MEMO1: variants seen among roughly 807,000 people sequenced by gnomAD.
MEMO1 encodes mediator of cell motility 1, also known as protein MEMO1.
A neutral mutation model predicts 45.2 loss-of-function variants in MEMO1; 6 were observed. The observed-to-expected ratio is 0.13, with a 90% confidence interval of 0.07 to 0.26. The LOEUF (loss-of-function observed/expected upper bound fraction) is 0.26, where lower values mean the gene tolerates loss of function less well. Ranked by LOEUF, MEMO1 falls within the 10% of genes least tolerant of loss-of-function variation. The pLI is 1.00. For synonymous variants in MEMO1, 78 were observed against 124.3 expected, an observed-to-expected ratio of 0.63 and a Z score of 2.48; for missense variants, 184 against 370.5, an observed-to-expected ratio of 0.50 and a Z score of 4.13.
intron 2 of MEMO1, among the ~76,000 whole-genome samples, chr2:31,957,982 A>T (rs1240479078): frequency 6.6e-6 from 1 of 152,192 alleles, no homozygotes; most frequent in Non-Finnish European, 1.5e-5. Flanking sequence ...CAACCATAAG[A>T]TGCACAAAAA....
intron 2 of MEMO1, among the ~76,000 whole-genome samples, chr2:31,990,532 A>G (rs1671817110): frequency 6.7e-6 from 1 of 149,938 alleles, no homozygotes; most frequent in Non-Finnish European, 1.5e-5. Flanking sequence ...GCTCACTACA[A>G]ACTCTGCCTA....
intron 2 of MEMO1, among the ~76,000 whole-genome samples, chr2:31,981,783 T>A (rs1188772545): frequency 6.6e-6 from 1 of 152,210 alleles, no homozygotes; most frequent in East Asian, 1.9e-4. Flanking sequence ...AACAGACTGC[T>A]ACAAACAGGC....
rs540228992 is a variant in MEMO1 at position 31,950,378 on chromosome 2, C to CA, written c.62-6996dup. Among the ~76,000 whole-genome samples the CA allele has an allele frequency of 5.9e-3, 650 of 109,428 alleles. 6 individuals carry two copies. The highest frequency in any genetic ancestry group is 0.012 in the African/African-American group (356 of 29,446). 71.8% of individuals were successfully genotyped at this position (109,428 alleles called of 152,430 possible). A position where few individuals can be genotyped will look rare whatever the true frequency, so the allele number is the denominator to read the frequency against. ...CCTGGGCAGCAGAGCAAGACTCCGT[C>CA]AAAAAAAAAAAACAAAAAAAAACCT... On this transcript the variant is annotated intron_variant, in intron 2 of 9. Coordinates refer to ENST00000404530, the MANE Select transcript of MEMO1 (RefSeq NM_001301833.4).
chr2:31,966,254 C>T (rs1668598920), intron 2 of MEMO1, among the ~76,000 whole-genome samples: 1 of 152,152 alleles, frequency 6.6e-6, no homozygotes, highest in Admixed American at 6.5e-5. Flanking sequence ...CTCTGTATAC[C>T]TCCACTGTTT....
At chr2:31,933,330 AAAAAAAAAAAAAAAAAAAATTTATATAT>A (rs1473557979) in intron 3 of MEMO1, among the ~76,000 whole-genome samples, 1 of 57,212 alleles carries the variant, frequency 1.7e-5, no homozygotes, top group African/African-American at 8.2e-5. Context: ...AAAAAAAAAA[AAAAAAAAAAAAAAAAAAAATTTATATAT>A]ATATATATAT....
intron 6 of MEMO1, among the ~76,000 whole-genome samples, chr2:31,911,429 C>T (rs941429782): frequency 1.3e-5 from 2 of 152,124 alleles, no homozygotes; most frequent in Non-Finnish European, 2.9e-5. Flanking sequence ...TGAAACCATT[C>T]TGTATGGTAT....
intron 6 of MEMO1, among the ~76,000 whole-genome samples, chr2:31,904,159 G>A (rs575200425): frequency 9.2e-5 from 14 of 152,302 alleles, no homozygotes; most frequent in African/African-American, 3.1e-4. Flanking sequence ...ACATAGCTAG[G>A]CCTGATGCTA....
In MEMO1 at chr2:31,973,367, T is replaced by C. The variant is rs1315228459; in HGVS notation, c.62-29984A>G. Among the ~76,000 whole-genome samples, 6 of 151,892 alleles carry C rather than the reference T, an allele frequency of 4.0e-5. No homozygotes were observed. In the East Asian group the frequency reaches 9.7e-4, roughly 25 times the overall value. On this transcript the variant is annotated intron_variant, in intron 2 of 9. Transcript: ENST00000404530. ...TACTTGGGAGGCTGAGGCAGGAGAA[T>C]TGCTTGAACCCAGGAGACGGAGGTT...
At position 31,894,618 on chromosome 2, in the gene MEMO1, C is replaced by A. The variant is rs188753793; in HGVS notation, c.438-2484G>T. ...GGGGACTCCCATAAGGTCCTAAGCTCCACACAAAACGCAGGCTGAGAGACT... is the reference window on the plus strand; with the variant it reads ...GGGGACTCCCATAAGGTCCTAAGCTACACACAAAACGCAGGCTGAGAGACT... On this transcript the variant is annotated intron_variant, in intron 6 of 9. Transcript: ENST00000404530. Among the ~76,000 whole-genome samples, 6 of 152,240 alleles carry A rather than the reference C, an allele frequency of 3.9e-5. No homozygotes were observed. The East Asian group carries it at 9.7e-4, about 24-fold the overall frequency.
At chr2:31,953,035 C>A (rs1476844368) in intron 2 of MEMO1, among the ~76,000 whole-genome samples, 1 of 152,080 alleles carries the variant, frequency 6.6e-6, no homozygotes, top group Non-Finnish European at 1.5e-5. Context: ...ATAAACAATT[C>A]TGTATTATGT....
At chr2:31,944,409 C>T (rs770850527) in intron 2 of MEMO1, among the ~76,000 whole-genome samples, 15 of 152,272 alleles carry the variant, frequency 9.9e-5, no homozygotes, top group Non-Finnish European at 2.1e-4. Flanking sequence ...GAAGTTGGCC[C>T]AAGACTTTCC....
In MEMO1 at chr2:31,961,555, G is replaced by A. The variant is rs772373120; in HGVS notation, c.62-18172C>T. On this transcript the variant is annotated intron_variant, in intron 2 of 9. Coordinates refer to ENST00000404530, the MANE Select transcript of MEMO1 (RefSeq NM_001301833.4). Reference sequence around the variant, plus strand: ...AGGCAGGCGAATTGCTTGAGCTCCGGATTTCAAGACCAGCCTGGGCAACAC... The same window carrying A: ...AGGCAGGCGAATTGCTTGAGCTCCGAATTTCAAGACCAGCCTGGGCAACAC... Among the ~76,000 whole-genome samples, 50 of 151,688 alleles carry A rather than the reference G, an allele frequency of 3.3e-4. 1 individual carries two copies. The highest frequency in any genetic ancestry group is 6.6e-5 in the Admixed American group (1 of 15,214).
intron 2 of MEMO1, among the ~76,000 whole-genome samples, chr2:31,969,404 CAT>C (rs1669033886): frequency 7.2e-6 from 1 of 138,264 alleles, no homozygotes; most frequent in South Asian, 2.2e-4. Context: ...CGTGTATATA[CAT>C]ATATACACGT....
intron 4 of MEMO1, 149 bp downstream of exon 4, chr2:31,931,918 C>G (rs1169691219): frequency 3.5e-6 from 2 of 576,404 alleles, no homozygotes; most frequent in Non-Finnish European, 6.0e-6. Context: ...TTTCAGTAAC[C>G]TATACAAAGT....
At chr2:31,947,924 G>A (rs920968272) in intron 2 of MEMO1, among the ~76,000 whole-genome samples, 3 of 152,048 alleles carry the variant, frequency 2.0e-5, no homozygotes, top group Admixed American at 6.6e-5. Context: ...CTTCTCTATC[G>A]CTGTTTAGCC....
At chr2:31,923,023 GT>G (rs1489811476) in intron 4 of MEMO1, among the ~76,000 whole-genome samples, 1 of 152,008 alleles carries the variant, frequency 6.6e-6, no homozygotes, top group Non-Finnish European at 1.5e-5. Context: ...AGTTACTTCT[GT>G]TTTAAGTTCT....
chr2:31,891,710 A>C (rs909443963), intron 7 of MEMO1, among the ~76,000 whole-genome samples: 8 of 152,184 alleles, frequency 5.3e-5, no homozygotes, highest in African/African-American at 1.7e-4. Context: ...ATGAGGTTAA[A>C]AGATCTTAAC....
intron 9 of MEMO1, among the ~76,000 whole-genome samples, chr2:31,869,278 A>G (rs1176619915): frequency 6.6e-6 from 1 of 152,114 alleles, no homozygotes; most frequent in African/African-American, 2.4e-5. Context: ...AATTAATGTC[A>G]TATTTTCATT....
At chr2:31,908,890 A>C (rs1199515882) in intron 6 of MEMO1, among the ~76,000 whole-genome samples, 1 of 152,234 alleles carries the variant, frequency 6.6e-6, no homozygotes, top group Non-Finnish European at 1.5e-5. Flanking sequence ...AAAGTGGGAG[A>C]AAATCTGAGA....
Sources: gnomAD v4.1 joint callset for allele counts (sites outside exome capture counted in the v4.1 genomes callset) on GRCh38, gnomAD v4.1.1 for gene constraint, MANE v1.5 for transcripts, NCBI Gene and HGNC (gene_info 2026-07-23, HGNC 2026-07-21) for gene names.